Variants in SLC39A11 observed in about 807,000 individuals in gnomAD.
The protein encoded by SLC39A11 is zinc transporter ZIP11.
Under a neutral mutation model 36.1 loss-of-function variants are expected in SLC39A11, and 33 were observed. The ratio of observed to expected loss-of-function variants is 0.91; its 90% CI spans 0.69 to 1.22. SLC39A11 has a LOEUF of 1.22. Ranked by LOEUF, SLC39A11 falls within the 50% of genes most tolerant of loss-of-function variation. The pLI is 0.00. For missense variants in SLC39A11, 432 were observed against 430.3 expected, an observed-to-expected ratio of 1.00 and a Z score of -0.03; for synonymous variants, 166 against 170.3, an observed-to-expected ratio of 0.97 and a Z score of 0.20.
At chr17:72,790,432 T>C (rs72843288) in intron 6 of SLC39A11, among the ~76,000 whole-genome samples, 11,003 of 152,214 alleles carry the variant, frequency 0.072, 419 homozygotes, top group African/African-American at 0.083. Context: ...CTGGCCAGGA[T>C]ATTCTTCACA....
chr17:72,770,304 G>A (rs753853313), intron 6 of SLC39A11, among the ~76,000 whole-genome samples: 4 of 152,216 alleles, frequency 2.6e-5, no homozygotes, highest in African/African-American at 4.8e-5. Flanking sequence ...CTGGTTTCCA[G>A]GGGGCTGGGA....
At chr17:72,906,399 G>C (rs1052564473) in intron 5 of SLC39A11, among the ~76,000 whole-genome samples, 10 of 152,386 alleles carry the variant, frequency 6.6e-5, no homozygotes, top group African/African-American at 4.8e-5. Context: ...TTTGCAGGCA[G>C]TGTTTCCTCC....
intron 6 of SLC39A11, among the ~76,000 whole-genome samples, chr17:72,743,244 C>G (rs918242647): frequency 3.6e-5 from 4 of 110,676 alleles, no homozygotes; most frequent in Admixed American, 8.9e-5. Flanking sequence ...GTTTCCTGCC[C>G]CCAAGTGTCC....
Position 73,044,996 on chromosome 17 carries a change from T to C in SLC39A11, c.148-13282A>G, listed in dbSNP as rs1417308541. Among the ~76,000 whole-genome samples the C allele has an allele frequency of 2.6e-5, 4 of 151,904 alleles. No homozygotes were observed. The South Asian group carries it at 8.3e-4, about 32-fold the overall frequency. On this transcript the variant is annotated intron_variant, in intron 3 of 9. Coordinates refer to ENST00000255559, the MANE Select transcript of SLC39A11 (RefSeq NM_139177.4). ...CTTTAAGATCTGGGCATATTGTATA[T>C]GTATTAGATCTGGTTTTTAAGTCTC...
At chr17:73,013,925 C>A (rs778941740) in intron 4 of SLC39A11, among the ~76,000 whole-genome samples, 2 of 152,048 alleles carry the variant, frequency 1.3e-5, no homozygotes, top group Non-Finnish European at 2.9e-5. Context: ...AGAGGCCCAG[C>A]GATTTGATGG....
At chr17:73,044,464 C>A (rs940809048) in intron 3 of SLC39A11, among the ~76,000 whole-genome samples, 1 of 152,328 alleles carries the variant, frequency 6.6e-6, no homozygotes, top group South Asian at 2.1e-4. Flanking sequence ...GGATACTACA[C>A]GATTCCTTTT....
intron 6 of SLC39A11, among the ~76,000 whole-genome samples, chr17:72,751,873 G>T (rs910887251): frequency 6.6e-6 from 1 of 151,660 alleles, no homozygotes; most frequent in South Asian, 2.1e-4. Flanking sequence ...CACTGCACCC[G>T]GCTCCAGAGC....
chr17:72,915,733 C>G (rs1325831038), intron 5 of SLC39A11, among the ~76,000 whole-genome samples: 1 of 152,220 alleles, frequency 6.6e-6, no homozygotes, highest in Non-Finnish European at 1.5e-5. Flanking sequence ...AACCAGGGGC[C>G]CAGATGGTCC....
At chr17:72,952,370 G>T (rs1377620895) in intron 4 of SLC39A11, among the ~76,000 whole-genome samples, 2 of 152,196 alleles carry the variant, frequency 1.3e-5, no homozygotes, top group African/African-American at 2.4e-5. Flanking sequence ...AGCTCGCTTT[G>T]CTAGCTTTAT....
intron 5 of SLC39A11, among the ~76,000 whole-genome samples, chr17:72,856,737 G>A (rs2079658723): frequency 1.3e-5 from 2 of 151,868 alleles, no homozygotes; most frequent in Admixed American, 6.6e-5. Context: ...CTGGAATGCA[G>A]TGGCGCAATC....
At chr17:72,730,160 C>T (rs117179675) in intron 7 of SLC39A11, among the ~76,000 whole-genome samples, 13 of 152,292 alleles carry the variant, frequency 8.5e-5, no homozygotes, top group Admixed American at 3.3e-4. Context: ...GCGTCATCTA[C>T]AAGTATCAGA....
chr17:72,737,434 T>G (rs1370636597), intron 6 of SLC39A11, among the ~76,000 whole-genome samples: 1 of 152,212 alleles, frequency 6.6e-6, no homozygotes, highest in Admixed American at 6.5e-5. Context: ...AGAAACTGTA[T>G]GGCCTGAAAT....
At chr17:72,787,014 T>C (rs555969337) in intron 6 of SLC39A11, among the ~76,000 whole-genome samples, 173 of 151,918 alleles carry the variant, frequency 1.1e-3, no homozygotes, top group African/African-American at 3.8e-3. Context: ...GAGACGGGGT[T>C]TCACCATGTT....
At chr17:72,958,869 A>AT (rs545846417) in intron 4 of SLC39A11, among the ~76,000 whole-genome samples, 1 of 151,976 alleles carries the variant, frequency 6.6e-6, no homozygotes, top group African/African-American at 2.4e-5. Flanking sequence ...GAAAAAAGAA[A>AT]AAAAAAAAAA....
At chr17:72,921,665 G>A (rs2083676228) in intron 5 of SLC39A11, among the ~76,000 whole-genome samples, 1 of 152,116 alleles carries the variant, frequency 6.6e-6, no homozygotes, top group African/African-American at 2.4e-5. Context: ...TCTCAAAATA[G>A]CCCCTGATCG....
chr17:73,028,553 C>A (rs1310623820), intron 4 of SLC39A11, among the ~76,000 whole-genome samples: 1 of 152,136 alleles, frequency 6.6e-6, no homozygotes, highest in African/African-American at 2.4e-5. Flanking sequence ...AGACAAATTC[C>A]CCCTCTCACA....
Position 72,907,552 on chromosome 17 carries a change from G to A in SLC39A11, c.430+40200C>T, listed in dbSNP as rs137973389. 3.3e-5 allele frequency among the ~76,000 whole-genome samples: 5 copies of A among 152,266 alleles called. No individual in the cohort carries two copies. In the East Asian group the frequency reaches 9.7e-4, roughly 29 times the overall value. ...TCAGGAAGATGGTATGAGACCTCCT[G>A]CCCATGTGGAGCGGGCAGAACTTAA... On this transcript the variant is annotated intron_variant, in intron 5 of 9. Transcript: ENST00000255559.
chr17:72,935,243 C>CTTTT (rs2084671973), intron 5 of SLC39A11, among the ~76,000 whole-genome samples: 2 of 152,118 alleles, frequency 1.3e-5, no homozygotes, highest in Non-Finnish European at 2.9e-5. Context: ...ATGCATGACG[C>CTTTT]CAAGTAGAAA....
At chr17:72,694,174 G>T (rs1303872926) in intron 7 of SLC39A11, among the ~76,000 whole-genome samples, 1 of 152,190 alleles carries the variant, frequency 6.6e-6, no homozygotes, top group Admixed American at 6.5e-5. Flanking sequence ...GAGGCAGGGT[G>T]GCCCGAGCCC....
Sources: allele counts gnomAD v4.1 joint callset (sites outside exome capture counted in the v4.1 genomes callset), GRCh38; gene constraint gnomAD v4.1.1; transcripts MANE v1.5; gene names NCBI Gene and HGNC (gene_info 2026-07-23, HGNC 2026-07-21).